ANKS1B: variants seen among roughly 807,000 people sequenced by gnomAD.
The protein encoded by ANKS1B is ankyrin repeat and sterile alpha motif domain-containing protein 1B.
A neutral mutation model predicts 148.3 loss-of-function variants in ANKS1B; 36 were observed. The observed-to-expected ratio is 0.24, with a 90% CI of 0.19 to 0.32. The LOEUF (loss-of-function observed/expected upper bound fraction) is 0.32, where lower values mean the gene tolerates loss of function less well. Among genes scored for constraint, ANKS1B ranks in the 10% least tolerant of loss-of-function variants. The pLI, the probability that ANKS1B is intolerant of heterozygous loss-of-function variation, is 1.00. For synonymous variants in ANKS1B, 542 were observed against 560.8 expected, an observed-to-expected ratio of 0.97 and a Z score of 0.47; for missense variants, 1,157 against 1,542.6, an observed-to-expected ratio of 0.75 and a Z score of 4.19.
chr12:98,993,325 G>A (rs1488457524), intron 17 of ANKS1B, among the ~76,000 whole-genome samples: 2 of 152,078 alleles, frequency 1.3e-5, no homozygotes, highest in South Asian at 2.1e-4. Context: ...ACGCCACCAT[G>A]CCTGGCTAAT....
intron 9 of ANKS1B, among the ~76,000 whole-genome samples, chr12:99,652,968 G>T (rs557801515): frequency 5.3e-5 from 8 of 152,174 alleles, no homozygotes; most frequent in East Asian, 1.9e-4. Flanking sequence ...CAACTGGATA[G>T]TTTTTTTAAA....
chr12:98,848,743 G>GTTTTTTTTT (rs10695483), intron 17 of ANKS1B, among the ~76,000 whole-genome samples: 3 of 48,090 alleles, frequency 6.2e-5, no homozygotes, highest in Non-Finnish European at 1.1e-4. Flanking sequence ...TGTATGTGTG[G>GTTTTTTTTT]TTTTTTTTTT....
chr12:98,996,785 C>G (rs931689399), intron 17 of ANKS1B, among the ~76,000 whole-genome samples: 10 of 130,432 alleles, frequency 7.7e-5, no homozygotes, highest in African/African-American at 2.7e-4. Context: ...TGCACTCCAG[C>G]CTGGGTGACA....
intron 17 of ANKS1B, among the ~76,000 whole-genome samples, chr12:98,845,054 C>G (rs2099443040): frequency 6.6e-6 from 1 of 152,018 alleles, no homozygotes; most frequent in African/African-American, 2.4e-5. Context: ...AAAGAAATAG[C>G]TGAATTTTTA....
chr12:99,278,385 A>G (rs141706176), intron 12 of ANKS1B, among the ~76,000 whole-genome samples: 131 of 152,360 alleles, frequency 8.6e-4, no homozygotes, highest in African/African-American at 3.0e-3. Context: ...TGGACTTTAC[A>G]TAAGCAAGGA....
intron 9 of ANKS1B, among the ~76,000 whole-genome samples, chr12:99,616,615 T>C (rs1240640385): frequency 1.3e-5 from 2 of 152,108 alleles, no homozygotes; most frequent in Admixed American, 6.6e-5. Flanking sequence ...TGAACCCCTT[T>C]CTTACATCTT....
intron 17 of ANKS1B, among the ~76,000 whole-genome samples, chr12:99,016,437 C>T (rs1244117852): frequency 6.6e-6 from 1 of 152,212 alleles, no homozygotes; most frequent in East Asian, 1.9e-4. Flanking sequence ...GGGTGGATCA[C>T]TTGAGATCAG....
chr12:98,735,918 A>AGAT (rs780207328), intron 9 of ANKS1B, among the ~76,000 whole-genome samples: 13 of 152,162 alleles, frequency 8.5e-5, no homozygotes, highest in African/African-American at 2.7e-4. Context: ...CAGACCTGAA[A>AGAT]GATGTGAGGA....
At chr12:99,614,331 A>G (rs747273320) in intron 9 of ANKS1B, among the ~76,000 whole-genome samples, 27 of 151,928 alleles carry the variant, frequency 1.8e-4, no homozygotes, top group Non-Finnish European at 3.1e-4. Flanking sequence ...GCTACTTAGG[A>G]GACTGAGACA....
chr12:99,560,840 C>CTTT (rs58588885), intron 9 of ANKS1B, among the ~76,000 whole-genome samples: 97 of 71,892 alleles, frequency 1.3e-3, no homozygotes, highest in East Asian at 4.4e-3. Flanking sequence ...TTTCTTTTTT[C>CTTT]TTTTTTTTTT....
intron 17 of ANKS1B, among the ~76,000 whole-genome samples, chr12:98,919,096 C>A (rs546536671): frequency 6.6e-6 from 1 of 151,820 alleles, no homozygotes; most frequent in East Asian, 1.9e-4. Flanking sequence ...TTTCTTTTTG[C>A]GGAAAAAAAT....
At chr12:99,081,492 A>G (rs1198607113) in intron 16 of ANKS1B, among the ~76,000 whole-genome samples, 2 of 152,214 alleles carry the variant, frequency 1.3e-5, no homozygotes, top group African/African-American at 2.4e-5. Flanking sequence ...AAATGACACT[A>G]TTAACCATCT....
chr12:99,569,832 G>A (rs540054099), intron 9 of ANKS1B, among the ~76,000 whole-genome samples: 20 of 152,182 alleles, frequency 1.3e-4, no homozygotes, highest in South Asian at 6.2e-4. Context: ...CTTCTCCCTC[G>A]GTCCAATCCT....
chr12:98,832,198 TA>T, intron 17 of ANKS1B, 62 bp from the exon 18 acceptor site: 14 of 1,303,892 alleles, frequency 1.1e-5, no homozygotes, highest in Non-Finnish European at 1.5e-5. Context: ...TTATATGTCC[TA>T]AAACATGTGG....
In ANKS1B at chr12:99,228,133, G is replaced by A. The variant is rs1023693939; in HGVS notation, c.2419+16209C>T. On this transcript the variant is annotated intron_variant, in intron 14 of 26. Coordinates refer to ENST00000683438, the MANE Select transcript of ANKS1B (RefSeq NM_001352186.2). Reference sequence around the variant, plus strand: ...GAGCTGGAAAAGATCTAGCCCTACTGTTTCATTTTCAAATGAGGAAATTGA... The same window carrying A: ...GAGCTGGAAAAGATCTAGCCCTACTATTTCATTTTCAAATGAGGAAATTGA... 3.3e-5 allele frequency among the ~76,000 whole-genome samples: 5 copies of A among 151,680 alleles called. No homozygotes were observed. In the South Asian group the frequency reaches 1.0e-3, roughly 31 times the overall value.
chr12:98,913,293 T>C (rs747714158), intron 17 of ANKS1B, among the ~76,000 whole-genome samples: 6 of 152,142 alleles, frequency 3.9e-5, no homozygotes, highest in Non-Finnish European at 8.8e-5. Context: ...CCTAGCTAAA[T>C]CCAGTTCCTA....
chr12:99,616,195 C>T (rs1239743986), intron 9 of ANKS1B, among the ~76,000 whole-genome samples: 6 of 152,070 alleles, frequency 3.9e-5, no homozygotes, highest in African/African-American at 1.4e-4. Flanking sequence ...GAATCAATAT[C>T]GTGAAAATAG....
chr12:99,931,486 A>G (rs1357385542), intron 1 of ANKS1B, among the ~76,000 whole-genome samples: 1 of 152,208 alleles, frequency 6.6e-6, no homozygotes, highest in Non-Finnish European at 1.5e-5. Context: ...TGAAACTTTG[A>G]TATTTTCTGC....
intron 12 of ANKS1B, among the ~76,000 whole-genome samples, chr12:99,300,476 G>GA (rs796271291): frequency 3.5e-4 from 50 of 144,524 alleles, no homozygotes; most frequent in African/African-American, 8.6e-4. Flanking sequence ...TTGTAAATAA[G>GA]AAAAAAAAAA....
Sources: allele counts gnomAD v4.1 joint callset (sites outside exome capture counted in the v4.1 genomes callset), GRCh38; gene constraint gnomAD v4.1.1; transcripts MANE v1.5; gene names NCBI Gene and HGNC (gene_info 2026-07-23, HGNC 2026-07-21).